TENM4: variants seen among roughly 807,000 people sequenced by gnomAD.
The protein encoded by TENM4 is teneurin transmembrane protein 4.
TENM4 carries 82 observed loss-of-function variants against 243.3 expected under a neutral mutation model. That is an observed-to-expected ratio of 0.34 (90% CI 0.28 to 0.40). The LOEUF is 0.40. Ranked by LOEUF, TENM4 falls within the 10% of genes least tolerant of loss-of-function variation. TENM4 has a pLI of 1.00. For missense variants in TENM4, 3,138 were observed against 3,673.3 expected, an observed-to-expected ratio of 0.85 and a Z score of 3.77; for synonymous variants, 1,412 against 1,456.3, an observed-to-expected ratio of 0.97 and a Z score of 0.69.
chr11:79,035,833 T>C (rs1859363826), intron 6 of TENM4, among the ~76,000 whole-genome samples: 1 of 152,166 alleles, frequency 6.6e-6, no homozygotes, highest in Non-Finnish European at 1.5e-5. Context: ...ATATAAATCC[T>C]CCTTCCCTCC....
rs548456732 is a variant in TENM4, at chr11:79,001,927, A to G, written c.493+62811T>C. Among the ~76,000 whole-genome samples the G allele has an allele frequency of 1.6e-4, 24 of 152,156 alleles. No individual in the cohort carries two copies. In the South Asian group the frequency reaches 4.6e-3, roughly 29 times the overall value. On this transcript the variant is annotated intron_variant, in intron 6 of 33. Coordinates refer to ENST00000278550, the MANE Select transcript of TENM4 (RefSeq NM_001098816.3). ...CCAACTCACCTGTATTCTTCCCCCA[A>G]TGCCTGCAGCCTCCCTCCACTGTTT...
chr11:79,313,138 G>A (rs1447125590), intron 1 of TENM4, among the ~76,000 whole-genome samples: 1 of 152,162 alleles, frequency 6.6e-6, no homozygotes, highest in Non-Finnish European at 1.5e-5. Flanking sequence ...ATTACTCTAA[G>A]ACCCATTTTC....
At chr11:79,222,829 T>G (rs866944122) in intron 2 of TENM4, among the ~76,000 whole-genome samples, 4 of 152,222 alleles carry the variant, frequency 2.6e-5, no homozygotes, top group Non-Finnish European at 5.9e-5. Flanking sequence ...TCATGTCCTT[T>G]GCACACTTTT....
intron 1 of TENM4, among the ~76,000 whole-genome samples, chr11:79,334,056 A>T (rs968907015): frequency 6.6e-6 from 1 of 152,240 alleles, no homozygotes; most frequent in African/African-American, 2.4e-5. Flanking sequence ...TCTGTAGTTC[A>T]TGAGAACAGC....
At chr11:79,166,004 C>G (rs908970432) in intron 3 of TENM4, among the ~76,000 whole-genome samples, 5 of 152,178 alleles carry the variant, frequency 3.3e-5, no homozygotes, top group Admixed American at 6.5e-5. Context: ...CTATATGAGG[C>G]CTGCCTAACT....
At chr11:78,712,137 A>G (rs943755825) in intron 26 of TENM4, among the ~76,000 whole-genome samples, 4 of 152,236 alleles carry the variant, frequency 2.6e-5, no homozygotes, top group Admixed American at 6.5e-5. Flanking sequence ...CTGGAAAACT[A>G]TATAGTCATT....
chr11:79,405,784 G>C (rs1037480124), intron 1 of TENM4, among the ~76,000 whole-genome samples: 2 of 138,866 alleles, frequency 1.4e-5, no homozygotes, highest in South Asian at 2.3e-4. Flanking sequence ...AATGATTTAC[G>C]CATATAAAAA....
intron 12 of TENM4, among the ~76,000 whole-genome samples, chr11:78,820,014 A>G (rs146985644): frequency 6.6e-6 from 1 of 152,308 alleles, no homozygotes; most frequent in African/African-American, 2.4e-5. Context: ...AGCTGGTGAC[A>G]TTTATACTTC....
intron 3 of TENM4, among the ~76,000 whole-genome samples, chr11:79,208,166 C>G (rs984081847): frequency 6.6e-6 from 1 of 152,202 alleles, no homozygotes; most frequent in Non-Finnish European, 1.5e-5. Context: ...CAATGGCCAG[C>G]AGAGGCTAAC....
chr11:79,066,153 C>T (rs535438256), intron 5 of TENM4, among the ~76,000 whole-genome samples: 1 of 152,272 alleles, frequency 6.6e-6, no homozygotes, highest in South Asian at 2.1e-4. Context: ...CAACCAAACA[C>T]ATGATTAAGT....
chr11:79,328,950 TAA>T (rs1857018287), intron 1 of TENM4, among the ~76,000 whole-genome samples: 1 of 152,068 alleles, frequency 6.6e-6, no homozygotes, highest in South Asian at 2.1e-4. Context: ...GGAAATAACA[TAA>T]AAGTTTCCCA....
chr11:78,761,518 C>T (rs11826654), intron 18 of TENM4, among the ~76,000 whole-genome samples: 7,321 of 151,870 alleles, frequency 0.048, 598 homozygotes, highest in African/African-American at 0.17. Context: ...GGATTACAGG[C>T]GTGAGCCACT....
chr11:79,252,790 A>G (rs911030133), intron 2 of TENM4, among the ~76,000 whole-genome samples: 4 of 152,138 alleles, frequency 2.6e-5, no homozygotes, highest in Non-Finnish European at 5.9e-5. Context: ...AAGGAGGATG[A>G]GAGACTCATG....
chr11:79,100,110 C>T (rs1861188610), intron 4 of TENM4, among the ~76,000 whole-genome samples: 1 of 152,136 alleles, frequency 6.6e-6, no homozygotes, highest in Non-Finnish European at 1.5e-5. Context: ...AGCACGTTTC[C>T]CTGTCTGTAA....
chr11:79,169,668 A>G (rs765840916), intron 3 of TENM4, among the ~76,000 whole-genome samples: 1 of 152,252 alleles, frequency 6.6e-6, no homozygotes, highest in Non-Finnish European at 1.5e-5. Context: ...CCAATACTTA[A>G]CCACAAGCCA....
intron 1 of TENM4, among the ~76,000 whole-genome samples, chr11:79,334,662 T>A (rs1306440224): frequency 2.0e-5 from 3 of 152,120 alleles, no homozygotes; most frequent in South Asian, 2.1e-4. Flanking sequence ...TTCAAAGAAA[T>A]CCTACTCCTA....
intron 2 of TENM4, among the ~76,000 whole-genome samples, chr11:79,219,779 G>T (rs1864123309): frequency 6.6e-6 from 1 of 152,188 alleles, no homozygotes; most frequent in South Asian, 2.1e-4. Flanking sequence ...TGTGGAGCTT[G>T]ATCATTTCCT....
intron 6 of TENM4, among the ~76,000 whole-genome samples, chr11:78,932,863 C>G (rs1008228297): frequency 1.3e-5 from 2 of 152,178 alleles, no homozygotes; most frequent in African/African-American, 2.4e-5. Context: ...TGACAGGAGG[C>G]GGAGCTCAGG....
intron 12 of TENM4, among the ~76,000 whole-genome samples, chr11:78,839,295 T>G (rs1858196832): frequency 6.6e-6 from 1 of 152,208 alleles, no homozygotes; most frequent in Admixed American, 6.5e-5. Context: ...CATGTTATAG[T>G]TCCTAATTAT....
Sources: allele counts gnomAD v4.1 joint callset (sites outside exome capture counted in the v4.1 genomes callset), GRCh38; gene constraint gnomAD v4.1.1; transcripts MANE v1.5; gene names NCBI Gene and HGNC (gene_info 2026-07-23, HGNC 2026-07-21).